The following PRPH2 variants were observed in gnomAD, a reference collection of about 807,000 sequenced individuals.
The protein encoded by PRPH2 is peripherin 2.
PRPH2 carries 17 observed loss-of-function variants against 31.3 expected under a neutral mutation model. That is an observed-to-expected ratio of 0.54 (90% CI 0.37 to 0.81). The LOEUF is 0.81. Among genes scored for constraint, PRPH2 ranks in the 40% least tolerant of loss-of-function variants. The pLI, the probability that PRPH2 is intolerant of heterozygous loss-of-function variation, is 0.00. For synonymous variants in PRPH2, 165 were observed against 184.4 expected, an observed-to-expected ratio of 0.89 and a Z score of 0.85; for missense variants, 430 against 439.7, an observed-to-expected ratio of 0.98 and a Z score of 0.20.
chr6:42,716,953 C>CTTTCT (rs1761797340), intron 1 of PRPH2, among the ~76,000 whole-genome samples: 2 of 54,540 alleles, frequency 3.7e-5, no homozygotes, highest in African/African-American at 1.5e-4. Flanking sequence ...TCTTTTCTTT[C>CTTTCT]TTTCTTTTCT....
At position 42,722,530 on chromosome 6, in the gene PRPH2, C is replaced by T. The variant is rs767051218; in HGVS notation, c.-196G>A. 4.8e-6 allele frequency: 7 copies of T among 1,455,546 alleles called. No individual in the cohort carries two copies. Among genetic ancestry groups the T allele is most frequent in the Non-Finnish European group, 6.3e-6 (7 of 1,108,598 alleles). 90.2% of individuals were successfully genotyped at this position (1,455,546 alleles called of 1,614,324 possible). A position where few individuals can be genotyped will look rare whatever the true frequency, so the allele number is the denominator to read the frequency against. ...AATGCAGTAGTGGTGGCAGGGGTCT[C>T]GGAATCACAGCTTGAGCAGGGGATA... On this transcript the variant is annotated 5_prime_UTR_variant, in exon 1 of 3. Transcript: ENST00000230381. This position sits in a 1 kb window ranked among gnomAD's most constrained non-coding sequence, Gnocchi z 4.4.
Position 42,722,085 on chromosome 6 carries a change from C to A in PRPH2, c.250G>T (p.Asp84Tyr). Residue 84 changes from aspartate (D) to tyrosine (Y), a missense_variant, in exon 1 of 3, where the codon GAC (aspartate) becomes TAC (tyrosine). Transcript: ENST00000230381. This position sits in a 1 kb window ranked among gnomAD's most constrained non-coding sequence, Gnocchi z 4.4. ...GCATACTTGGCTGGGTCCAGGGCGTCGTAGCAGATCTTCCCAGCCAGCGAG... is the reference window on the plus strand; with the variant it reads ...GCATACTTGGCTGGGTCCAGGGCGTAGTAGCAGATCTTCCCAGCCAGCGAG... ...FNSLAGKICY[D>Y]ALDPAKYARW... The A allele has an allele frequency of 2.5e-6, 4 of 1,614,192 alleles. No homozygotes were observed. The highest frequency in any genetic ancestry group is 3.4e-6 in the Non-Finnish European group (4 of 1,180,024).
rs1800111619 is a variant in PRPH2, at chr6:42,704,454, C to T, written c.739G>A (p.Val247Met). The change falls in exon 2 of 3, where the codon GTG (valine) becomes ATG (methionine). Residue 247 changes from valine to methionine, a missense_variant. Physicochemically the swap from Val to Met is conservative, Grantham distance 21. Transcript: ENST00000230381. ...DHQTEELNLW[V>M]RGCRAALLSY... ...AGCAGGGCAGCCCTGCAGCCACGCA[C>T]CCACAGGTTGAGCTCCTCCGTCTGG... 2 of 1,613,374 alleles carry T rather than the reference C, an allele frequency of 1.2e-6. No homozygotes were observed. Among genetic ancestry groups the T allele is most frequent in the African/African-American group, 2.7e-5 (2 of 75,030 alleles).
At chr6:42,706,426 TA>T (rs1345163909) in intron 1 of PRPH2, among the ~76,000 whole-genome samples, 14 of 146,284 alleles carry the variant, frequency 9.6e-5, no homozygotes, top group Non-Finnish European at 2.1e-4. Context: ...AAATAAAAAA[TA>T]AAAAAATAAA....
chr6:42,701,801 T>C (rs1024858248), intron 2 of PRPH2, among the ~76,000 whole-genome samples: 3 of 151,400 alleles, frequency 2.0e-5, no homozygotes, highest in African/African-American at 4.9e-5. Context: ...TTATATTCAG[T>C]CTTCTTTTTG....
rs1800265565 is a variant in PRPH2 at position 42,710,876 on chromosome 6, G to A, written c.582-6265C>T. On this transcript the variant is annotated intron_variant, in intron 1 of 2. Coordinates refer to ENST00000230381, the MANE Select transcript of PRPH2 (RefSeq NM_000322.5). ...ATGCCAAGCAGAACGCTGGCTGAGGGACACCTGTGAGACCTTGAGAACTGG... is the reference window on the plus strand; with the variant it reads ...ATGCCAAGCAGAACGCTGGCTGAGGAACACCTGTGAGACCTTGAGAACTGG... Among the ~76,000 whole-genome samples the A allele has an allele frequency of 2.0e-5, 3 of 152,198 alleles. No homozygotes were observed. The South Asian group carries it at 6.2e-4, about 32-fold the overall frequency.
At chr6:42,719,303 A>T (rs1014104629) in intron 1 of PRPH2, among the ~76,000 whole-genome samples, 1 of 151,752 alleles carries the variant, frequency 6.6e-6, no homozygotes, top group African/African-American at 2.4e-5. Context: ...CAGCCTCCCG[A>T]GTAGCTGAGA....
intron 1 of PRPH2, among the ~76,000 whole-genome samples, chr6:42,719,792 C>T (rs1306000037): frequency 6.6e-6 from 1 of 151,740 alleles, no homozygotes; most frequent in African/African-American, 2.4e-5. Context: ...TGGTCTCGAA[C>T]TCCTGAACTC....
chr6:42,709,045 G>T (rs1228563283), intron 1 of PRPH2, among the ~76,000 whole-genome samples: 2 of 152,112 alleles, frequency 1.3e-5, no homozygotes, highest in African/African-American at 4.8e-5. Context: ...AGAAGTCGGG[G>T]TCCAGCCGGG....
chr6:42,708,288 G>A (rs142036178), intron 1 of PRPH2, among the ~76,000 whole-genome samples: 3 of 152,352 alleles, frequency 2.0e-5, no homozygotes, highest in African/African-American at 7.2e-5. Flanking sequence ...TGGTGGGCCT[G>A]ACACGGAGCA....
In PRPH2 at chr6:42,697,810, TA is replaced by T. The variant is rs55851577; in HGVS notation, c.*484del. ...ACGGCCAACCTGTCAATCTTGGCAT[TA>T]AAAAAAAAAAAAAAAGACAACATGG... On this transcript the variant is annotated 3_prime_UTR_variant, in exon 3 of 3. Coordinates refer to ENST00000230381, the MANE Select transcript of PRPH2 (RefSeq NM_000322.5). 36,613 of 143,556 alleles carry T rather than the reference TA, an allele frequency of 0.26. 4,787 individuals are homozygous for T. The highest frequency in any genetic ancestry group is 0.46 in the East Asian group (2,243 of 4,878). 8.9% of individuals were successfully genotyped at this position (143,556 alleles called of 1,614,324 possible).
intron 1 of PRPH2, among the ~76,000 whole-genome samples, chr6:42,705,574 TAAAAAAAAAAAAAAAAA>T (rs1186158334): frequency 1.8e-4 from 4 of 22,266 alleles, no homozygotes; most frequent in African/African-American, 6.3e-4. Context: ...AGACTTTCTC[TAAAAAAAAAAAAAAAAA>T]AAAAAAAAAT....
At chr6:42,718,357 G>C (rs1761829796) in intron 1 of PRPH2, among the ~76,000 whole-genome samples, 1 of 151,558 alleles carries the variant, frequency 6.6e-6, no homozygotes. Flanking sequence ...AATCTCAGCT[G>C]CTTGGGAGGC....
At chr6:42,710,627 G>A (rs567107031) in intron 1 of PRPH2, among the ~76,000 whole-genome samples, 2 of 152,184 alleles carry the variant, frequency 1.3e-5, no homozygotes, top group African/African-American at 2.4e-5. Context: ...CACTCTGCGC[G>A]GAAGGGGCCG....
chr6:42,719,192 C>T lies in PRPH2; in HGVS notation c.581+2562G>A, dbSNP rs1440731640. Among the ~76,000 whole-genome samples, 6 of 144,306 alleles carry T rather than the reference C, an allele frequency of 4.2e-5. No homozygotes were observed. In the Admixed American group the frequency reaches 4.2e-4, roughly 10 times the overall value. 94.7% of individuals were successfully genotyped at this position (144,306 alleles called of 152,430 possible). A position where few individuals can be genotyped will look rare whatever the true frequency, so the allele number is the denominator to read the frequency against. On this transcript the variant is annotated intron_variant, in intron 1 of 2. Transcript: ENST00000230381. ...CTTTTTTTTTTTTTTTCTTTGAGAT[C>T]GAGTCTCACACTGTCTCCCGGGCTG...
At position 42,704,356 on chromosome 6, in the gene PRPH2, AG is replaced by A; in HGVS notation, c.828+8del. ...CTTACCCTCTACCCCCAGCTGGCCC[AG>A]GGCCTACCTCGAAGAGCCAAATGAG... On this transcript the variant is annotated splice_region_variant and intron_variant, in intron 2 of 2. Coordinates refer to ENST00000230381, the MANE Select transcript of PRPH2 (RefSeq NM_000322.5). The A allele has an allele frequency of 6.2e-7, 1 of 1,606,686 alleles. No individual in the cohort carries two copies. The highest frequency in any genetic ancestry group is 8.5e-7 in the Non-Finnish European group (1 of 1,176,638).
Position 42,721,821 on chromosome 6 carries a change from G to GA in PRPH2, c.513dup (p.Arg172SerfsTer5), listed in dbSNP as rs2152010904. ...ATCCACTGAATCTCAAACCAGTCCC[G>GA]AAAACCGTTGTTGCCGCAGCATTTG... On this transcript the variant is annotated frameshift_variant, in exon 1 of 3. Coordinates refer to ENST00000230381, the MANE Select transcript of PRPH2 (RefSeq NM_000322.5). LOFTEE classifies it high-confidence loss of function. 6.2e-7 allele frequency: 1 copy of GA among 1,614,160 alleles called. No individual in the cohort carries two copies. Among genetic ancestry groups the GA allele is most frequent in the Non-Finnish European group, 8.5e-7 (1 of 1,180,032 alleles).
At chr6:42,704,656 C>A in intron 1 of PRPH2, 45 bp from the exon 2 acceptor site, 1 of 1,613,954 alleles carries the variant, frequency 6.2e-7, no homozygotes, top group South Asian at 1.1e-5. Context: ...CCGGGCTTCT[C>A]AACAGGGGCC....
chr6:42,705,599 A>AAAAATATATATATAT (rs1562424252), intron 1 of PRPH2, among the ~76,000 whole-genome samples: 21 of 21,484 alleles, frequency 9.8e-4, no homozygotes, highest in South Asian at 1.6e-3. Context: ...AAAAAAAAAA[A>AAAAATATATATATAT]ATATATATAT....
Sources: allele counts gnomAD v4.1 joint callset (sites outside exome capture counted in the v4.1 genomes callset), GRCh38; gene constraint gnomAD v4.1.1; non-coding constraint Gnocchi (gnomAD v3.1); transcripts MANE v1.5; gene names NCBI Gene and HGNC (gene_info 2026-07-23, HGNC 2026-07-21).